Variants in RGS7 observed in about 807,000 individuals in gnomAD.
RGS7 encodes regulator of G-protein signaling 7.
RGS7 carries 27 observed loss-of-function variants against 81.1 expected under a neutral mutation model. That is an observed-to-expected ratio of 0.33 (90% CI 0.25 to 0.46). RGS7 has a LOEUF of 0.46. Among genes scored for constraint, RGS7 ranks in the 20% least tolerant of loss-of-function variants. The pLI is 1.00. For synonymous variants in RGS7, 208 were observed against 207.7 expected (o/e 1.00, Z -0.01); for missense variants, 396 against 607.4 (o/e 0.65, Z 3.66).
intron 18 of RGS7, among the ~76,000 whole-genome samples, chr1:240,784,201 A>AC (rs34679019): frequency 0.12 from 18,261 of 151,878 alleles, 1,586 homozygotes; most frequent in African/African-American, 0.25. Context: ...AAAAAAACAA[A>AC]AAAACAAAAC....
rs1218822058 is a variant in RGS7, at chr1:241,250,101, T to C, written c.78+105598A>G. Among the ~76,000 whole-genome samples, 9 of 152,302 alleles carry C rather than the reference T, an allele frequency of 5.9e-5. No homozygotes were observed. In the South Asian group the frequency reaches 6.2e-4, roughly 11 times the overall value. On this transcript the variant is annotated intron_variant, in intron 2 of 18. Transcript: ENST00000440928. ...ATAATAAAATTCATAATGAGCTTTT[T>C]ACAGGATGGGGAAAGCAATAACCTT...
intron 6 of RGS7, among the ~76,000 whole-genome samples, chr1:240,904,130 T>C (rs1670447632): frequency 6.6e-6 from 1 of 152,198 alleles, no homozygotes; most frequent in Non-Finnish European, 1.5e-5. Flanking sequence ...AGTTTTGGCT[T>C]CTCTTAGTTC....
At chr1:240,887,437 C>A (rs529825018) in intron 6 of RGS7, among the ~76,000 whole-genome samples, 48 of 152,160 alleles carry the variant, frequency 3.2e-4, no homozygotes, top group African/African-American at 9.9e-4. Flanking sequence ...ACCGTGTTAG[C>A]CAGGATGGTC....
intron 18 of RGS7, among the ~76,000 whole-genome samples, chr1:240,797,304 T>A (rs1307719145): frequency 6.6e-6 from 1 of 152,218 alleles, no homozygotes; most frequent in Non-Finnish European, 1.5e-5. Context: ...CCCTCCTTAA[T>A]GTTTGCATAG....
chr1:241,015,432 A>C (rs1456735901), intron 3 of RGS7, among the ~76,000 whole-genome samples: 1 of 152,174 alleles, frequency 6.6e-6, no homozygotes, highest in East Asian at 1.9e-4. Flanking sequence ...TTAAATTTGC[A>C]ATTTGTTAGT....
At chr1:241,245,895 G>A (rs1230926646) in intron 2 of RGS7, among the ~76,000 whole-genome samples, 5 of 151,962 alleles carry the variant, frequency 3.3e-5, no homozygotes, top group Non-Finnish European at 7.4e-5. Flanking sequence ...ATGAGGTCAG[G>A]AGATCAAGAC....
chr1:241,289,353 A>T (rs1013814279), intron 2 of RGS7, among the ~76,000 whole-genome samples: 1 of 152,144 alleles, frequency 6.6e-6, no homozygotes, highest in Non-Finnish European at 1.5e-5. Flanking sequence ...ATTTAGTGCA[A>T]TTATCCAGTC....
chr1:240,915,307 A>C (rs1449426527), intron 6 of RGS7, among the ~76,000 whole-genome samples: 1 of 151,832 alleles, frequency 6.6e-6, no homozygotes, highest in Non-Finnish European at 1.5e-5. Context: ...AAAAACCCCC[A>C]AAACCCAAGG....
intron 2 of RGS7, among the ~76,000 whole-genome samples, chr1:241,236,573 A>C (rs1003547337): frequency 6.6e-6 from 1 of 152,218 alleles, no homozygotes; most frequent in African/African-American, 2.4e-5. Flanking sequence ...GTCTTATTAA[A>C]TGACTCACAT....
chr1:241,009,389 A>C (rs983445355), intron 3 of RGS7, among the ~76,000 whole-genome samples: 2 of 152,198 alleles, frequency 1.3e-5, no homozygotes, highest in Non-Finnish European at 2.9e-5. Flanking sequence ...GACCATTCTC[A>C]GCTTTGCACA....
At chr1:241,089,063 C>CTCTCTCTCTATATATATATA (rs1374552672) in intron 3 of RGS7, among the ~76,000 whole-genome samples, 3 of 23,686 alleles carry the variant, frequency 1.3e-4, no homozygotes, top group African/African-American at 2.3e-4. Flanking sequence ...CTCTCTCTCT[C>CTCTCTCTCTATATATATATA]TATATATATA....
intron 2 of RGS7, among the ~76,000 whole-genome samples, chr1:241,116,890 T>C (rs1403760881): frequency 6.6e-6 from 1 of 152,162 alleles, no homozygotes. Flanking sequence ...ACTTATTTCT[T>C]CTAATACACA....
chr1:240,807,728 G>A (rs1215364766), intron 14 of RGS7, among the ~76,000 whole-genome samples: 1 of 152,102 alleles, frequency 6.6e-6, no homozygotes, highest in African/African-American at 2.4e-5. Flanking sequence ...TAGACACTGT[G>A]CACTCTAATA....
chr1:241,065,224 C>T (rs1021092525), intron 3 of RGS7, among the ~76,000 whole-genome samples: 1 of 140,264 alleles, frequency 7.1e-6, no homozygotes, highest in Non-Finnish European at 1.5e-5. Context: ...TATATATTAT[C>T]TTTTAATATA....
chr1:240,815,070 G>A (rs1690564984), intron 11 of RGS7, among the ~76,000 whole-genome samples: 1 of 152,142 alleles, frequency 6.6e-6, no homozygotes, highest in Non-Finnish European at 1.5e-5. Flanking sequence ...GGGTGCAGTG[G>A]CTCATGCCTG....
intron 2 of RGS7, among the ~76,000 whole-genome samples, chr1:241,151,115 C>T (rs902015702): frequency 2.6e-5 from 4 of 152,200 alleles, no homozygotes; most frequent in Non-Finnish European, 4.4e-5. Flanking sequence ...AGTCCACTGG[C>T]GCACATGCTA....
rs1212164533 is a variant in RGS7, at chr1:241,130,879, G to GTGT, written c.79-32120_79-32118dup. On this transcript the variant is annotated intron_variant, in intron 2 of 18. Coordinates refer to ENST00000440928, the MANE Select transcript of RGS7 (RefSeq NM_001364886.1). ...CTGTCCTATCCATCTTTGATGATAT[G>GTGT]TGTTAATAACAGTTAAATGCAAAAT... Among the ~76,000 whole-genome samples the GTGT allele has an allele frequency of 3.5e-5, 5 of 143,722 alleles. No homozygotes were observed. The East Asian group carries it at 1.0e-3, about 30-fold the overall frequency. 94.3% of individuals were successfully genotyped at this position (143,722 alleles called of 152,430 possible). A position where few individuals can be genotyped will look rare whatever the true frequency, so the allele number is the denominator to read the frequency against.
chr1:241,231,191 A>G (rs2075642945), intron 2 of RGS7, among the ~76,000 whole-genome samples: 1 of 152,138 alleles, frequency 6.6e-6, no homozygotes, highest in African/African-American at 2.4e-5. Flanking sequence ...GATGATATAA[A>G]CACTCCTTGA....
chr1:241,267,895 A>T (rs1422347182), intron 2 of RGS7, among the ~76,000 whole-genome samples: 1 of 152,218 alleles, frequency 6.6e-6, no homozygotes, highest in African/African-American at 2.4e-5. Flanking sequence ...CCCTGTTTAC[A>T]CTTCTGAAAA....
Sources: gnomAD v4.1 joint callset for allele counts (sites outside exome capture counted in the v4.1 genomes callset) on GRCh38, gnomAD v4.1.1 for gene constraint, MANE v1.5 for transcripts, NCBI Gene and HGNC (gene_info 2026-07-23, HGNC 2026-07-21) for gene names.